The following PTPRN2 variants were observed in gnomAD, a reference collection of about 807,000 sequenced individuals.
PTPRN2 encodes the protein protein tyrosine phosphatase receptor type N2.
PTPRN2 carries 74 observed loss-of-function variants against 118.8 expected under a neutral mutation model. The ratio of observed to expected loss-of-function variants is 0.62; its 90% CI spans 0.52 to 0.76. The LOEUF is 0.76. PTPRN2 is among the 30% of genes least tolerant of loss of function. The pLI is 0.00. For missense variants in PTPRN2, 1,481 were observed against 1,394.4 expected, an observed-to-expected ratio of 1.06 and a Z score of -0.99; for synonymous variants, 641 against 608.0, an observed-to-expected ratio of 1.05 and a Z score of -0.80.
intron 11 of PTPRN2, among the ~76,000 whole-genome samples, chr7:157,918,524 C>T (rs532376829): frequency 2.1e-4 from 32 of 152,292 alleles, no homozygotes; most frequent in African/African-American, 7.5e-4. Flanking sequence ...GGTGCCTTCA[C>T]TCGCATCAAA....
At chr7:158,134,325 C>T (rs907912166) in intron 8 of PTPRN2, among the ~76,000 whole-genome samples, 2 of 152,176 alleles carry the variant, frequency 1.3e-5, no homozygotes, top group Non-Finnish European at 2.9e-5. Context: ...CTCACACACA[C>T]ACCTCTCTGA....
chr7:158,343,477 G>A (rs369822871), intron 2 of PTPRN2, among the ~76,000 whole-genome samples: 76 of 152,352 alleles, frequency 5.0e-4, no homozygotes, highest in African/African-American at 1.7e-3. Context: ...GTAACCTGAT[G>A]CAGTCGCCGT....
At chr7:157,814,812 T>C (rs941646935) in intron 12 of PTPRN2, among the ~76,000 whole-genome samples, 1 of 152,218 alleles carries the variant, frequency 6.6e-6, no homozygotes, top group Non-Finnish European at 1.5e-5. Context: ...AATTGGCTTC[T>C]TGTCACAGAG....
chr7:157,644,116 CA>C (rs34604118), intron 14 of PTPRN2, among the ~76,000 whole-genome samples: 74,901 of 151,872 alleles, frequency 0.49, 19,181 homozygotes, highest in Middle Eastern at 0.63. Flanking sequence ...GGTTACCCCG[CA>C]ACATAACCTC....
At chr7:157,656,966 TACACCACAC>T (rs1342939024) in intron 13 of PTPRN2, among the ~76,000 whole-genome samples, 20 of 69,670 alleles carry the variant, frequency 2.9e-4, no homozygotes, top group African/African-American at 9.2e-4. Context: ...TACACACACA[TACACCACAC>T]ACACCACACA....
At chr7:157,904,335 G>A (rs1021826316) in intron 11 of PTPRN2, among the ~76,000 whole-genome samples, 7 of 152,254 alleles carry the variant, frequency 4.6e-5, no homozygotes, top group South Asian at 4.1e-4. Context: ...CAGGGGCTCC[G>A]CAGGCCGCTT....
intron 12 of PTPRN2, among the ~76,000 whole-genome samples, chr7:157,886,726 A>G (rs1442168123): frequency 1.5e-5 from 2 of 135,200 alleles, no homozygotes; most frequent in Admixed American, 7.7e-5. Context: ...AAGAGCAGTA[A>G]GCAGCAAGCA....
intron 11 of PTPRN2, among the ~76,000 whole-genome samples, chr7:158,060,205 C>T (rs71544525): frequency 3.7e-5 from 4 of 109,548 alleles, no homozygotes; most frequent in East Asian, 2.6e-4. Context: ...CATCTGCACA[C>T]GGTGACACAT....
At chr7:157,975,671 C>T (rs1365241691) in intron 11 of PTPRN2, among the ~76,000 whole-genome samples, 3 of 152,150 alleles carry the variant, frequency 2.0e-5, no homozygotes, top group Non-Finnish European at 4.4e-5. Flanking sequence ...TAAATCAGCC[C>T]CACCAGCCCC....
chr7:158,332,718 T>A (rs1447170424), intron 2 of PTPRN2, among the ~76,000 whole-genome samples: 371 of 117,900 alleles, frequency 3.1e-3, no homozygotes, highest in Non-Finnish European at 3.6e-3. Context: ...AGATGTCACT[T>A]ACACCCACAC....
At chr7:158,149,938 A>T (rs1242196563) in intron 6 of PTPRN2, among the ~76,000 whole-genome samples, 1 of 152,210 alleles carries the variant, frequency 6.6e-6, no homozygotes, top group South Asian at 2.1e-4. Context: ...AAATAAATAA[A>T]ACATATGAAA....
intron 21 of PTPRN2, among the ~76,000 whole-genome samples, chr7:157,555,119 C>T (rs915592829): frequency 3.9e-5 from 6 of 152,156 alleles, no homozygotes; most frequent in Admixed American, 3.9e-4. Context: ...CCAGGCTCTG[C>T]GTGCTCCGCT....
chr7:158,049,212 A>ATCATCATTG (rs1227445435), intron 11 of PTPRN2, among the ~76,000 whole-genome samples: 1 of 151,748 alleles, frequency 6.6e-6, no homozygotes, highest in African/African-American at 2.4e-5. Flanking sequence ...CATCATCATC[A>ATCATCATTG]TCATCATTGT....
In PTPRN2 at chr7:157,991,981, G is replaced by GA. The variant is rs2128846208; in HGVS notation, c.1723+89316_1723+89317insT. On this transcript the variant is annotated intron_variant, in intron 11 of 22. Transcript: ENST00000389418. ...CCTCCATCACCATCAGGCCAGCACA[G>GA]GCACAGCCCAGACATGCAGGAGGCT... Among the ~76,000 whole-genome samples the GA allele has an allele frequency of 8.5e-5, 13 of 152,328 alleles. No individual in the cohort carries two copies. The South Asian group carries it at 2.7e-3, about 32-fold the overall frequency.
intron 3 of PTPRN2, among the ~76,000 whole-genome samples, chr7:158,257,040 T>A (rs1797064808): frequency 6.6e-6 from 1 of 152,150 alleles, no homozygotes; most frequent in Non-Finnish European, 1.5e-5. Context: ...GACAACCTGC[T>A]AAGGCAGACT....
At chr7:157,625,956 C>T (rs545159309) in intron 14 of PTPRN2, among the ~76,000 whole-genome samples, 166 of 152,286 alleles carry the variant, frequency 1.1e-3, no homozygotes, top group African/African-American at 3.7e-3. Flanking sequence ...AACCTTTTCC[C>T]CCAGTGCTGA....
At chr7:158,129,354 C>T (rs933427167) in intron 9 of PTPRN2, among the ~76,000 whole-genome samples, 1 of 150,904 alleles carries the variant, frequency 6.6e-6, no homozygotes, top group Non-Finnish European at 1.5e-5. Context: ...ATAACACACA[C>T]CACACAGCAC....
At chr7:158,571,400 C>T (rs1828020888) in intron 1 of PTPRN2, among the ~76,000 whole-genome samples, 7 of 150,740 alleles carry the variant, frequency 4.6e-5, no homozygotes, top group Admixed American at 4.0e-4. Context: ...ATCACTTGAA[C>T]ATGGGAGGCA....
At chr7:157,545,422 TG>T (rs1187656772) in intron 22 of PTPRN2, among the ~76,000 whole-genome samples, 3 of 136,924 alleles carry the variant, frequency 2.2e-5, no homozygotes, top group African/African-American at 8.4e-5. Flanking sequence ...TAGGTGTGTG[TG>T]GATGTATGCA....
Sources: gnomAD v4.1 joint callset for allele counts (sites outside exome capture counted in the v4.1 genomes callset) on GRCh38, gnomAD v4.1.1 for gene constraint, MANE v1.5 for transcripts, NCBI Gene and HGNC (gene_info 2026-07-23, HGNC 2026-07-21) for gene names.